ANKS1B: variants seen among roughly 807,000 people sequenced by gnomAD.
The protein encoded by ANKS1B is ankyrin repeat and sterile alpha motif domain-containing protein 1B.
Under a neutral mutation model 148.3 loss-of-function variants are expected in ANKS1B, and 36 were observed. The ratio of observed to expected loss-of-function variants is 0.24; its 90% CI spans 0.19 to 0.32. The LOEUF is 0.32. Ranked by LOEUF, ANKS1B falls within the 10% of genes least tolerant of loss-of-function variation. ANKS1B has a pLI of 1.00. For synonymous variants in ANKS1B, 542 were observed against 560.8 expected, an observed-to-expected ratio of 0.97 and a Z score of 0.47; for missense variants, 1,157 against 1,542.6, an observed-to-expected ratio of 0.75 and a Z score of 4.19.
At position 99,984,914 on chromosome 12, in the gene ANKS1B, C is replaced by G. The variant is rs891905212; in HGVS notation, c.-677G>C. Reference sequence around the variant, plus strand: ...GCGCGGGCAGGTGCGGCCCCTGGTGCGGCCCGAGTTGGGTGGCGGGCTGGC... The same window carrying G: ...GCGCGGGCAGGTGCGGCCCCTGGTGGGGCCCGAGTTGGGTGGCGGGCTGGC... On this transcript the variant is annotated 5_prime_UTR_variant, in exon 1 of 27. Transcript: ENST00000683438. Among the ~76,000 whole-genome samples, 16 of 150,138 alleles carry G rather than the reference C, an allele frequency of 1.1e-4. No individual in the cohort carries two copies. Among genetic ancestry groups the G allele is most frequent in the Non-Finnish European group, 2.2e-4 (15 of 67,416 alleles).
chr12:99,670,994 C>T (rs2098535375), intron 8 of ANKS1B, among the ~76,000 whole-genome samples: 1 of 152,114 alleles, frequency 6.6e-6, no homozygotes, highest in Admixed American at 6.6e-5. Context: ...TCTTATTCTA[C>T]TGAGATCAAA....
chr12:99,844,830 A>G (rs1467465355), intron 1 of ANKS1B, among the ~76,000 whole-genome samples: 1 of 152,036 alleles, frequency 6.6e-6, no homozygotes, highest in Non-Finnish European at 1.5e-5. Flanking sequence ...TTTGGGCAGT[A>G]TGGCCATTTT....
chr12:98,795,336 T>C (rs1214378831), intron 22 of ANKS1B, among the ~76,000 whole-genome samples: 1 of 152,212 alleles, frequency 6.6e-6, no homozygotes, highest in Non-Finnish European at 1.5e-5. Flanking sequence ...TGACATTGTT[T>C]GATGAAGCCT....
intron 9 of ANKS1B, among the ~76,000 whole-genome samples, chr12:99,551,724 T>G (rs192913525): frequency 1.3e-5 from 2 of 152,150 alleles, no homozygotes; most frequent in African/African-American, 2.4e-5. Context: ...GCCAATAATC[T>G]TTTTTGAGAC....
At chr12:99,106,933 G>T (rs1179566716) in intron 15 of ANKS1B, among the ~76,000 whole-genome samples, 1 of 152,004 alleles carries the variant, frequency 6.6e-6, no homozygotes, top group Non-Finnish European at 1.5e-5. Context: ...TAAGTGTCTT[G>T]GTCCTGACTA....
chr12:99,446,553 G>A (rs2152805834), intron 10 of ANKS1B, among the ~76,000 whole-genome samples: 1 of 152,074 alleles, frequency 6.6e-6, no homozygotes, highest in Non-Finnish European at 1.5e-5. Context: ...CTCAGTTACT[G>A]GCAGAAAAGG....
chr12:99,572,128 G>T (rs1413546503), intron 9 of ANKS1B, among the ~76,000 whole-genome samples: 1 of 151,926 alleles, frequency 6.6e-6, no homozygotes. Flanking sequence ...TCACATCTTG[G>T]CTCTCAGTTT....
chr12:99,136,106 T>C (rs1312423347), intron 15 of ANKS1B, among the ~76,000 whole-genome samples: 2 of 152,130 alleles, frequency 1.3e-5, no homozygotes, highest in East Asian at 3.9e-4. Flanking sequence ...GGGTTAAAGA[T>C]TAAACAAGAT....
chr12:98,875,521 C>T lies in ANKS1B; in HGVS notation c.2779-43385G>A, dbSNP rs183151243. On this transcript the variant is annotated intron_variant, in intron 17 of 26. Transcript: ENST00000683438. The stretch of plus-strand genomic sequence containing the variant: ...TCTGTTGTCTGTTTGCCTGTCTACC[C>T]CTCCTTGCTTCCTCCTTCAGGATGC... Among the ~76,000 whole-genome samples the T allele has an allele frequency of 5.5e-3, 833 of 152,290 alleles. 2 individuals are homozygous for T. The highest frequency in any genetic ancestry group is 8.9e-3 in the Non-Finnish European group (605 of 68,020).
chr12:99,711,680 TA>T (rs2056658146), intron 8 of ANKS1B, among the ~76,000 whole-genome samples: 1 of 152,012 alleles, frequency 6.6e-6, no homozygotes, highest in African/African-American at 2.4e-5. Context: ...TGGCTATTAT[TA>T]AAAAGTCAAA....
chr12:98,876,155 G>A (rs1343765975), intron 17 of ANKS1B, among the ~76,000 whole-genome samples: 3 of 152,146 alleles, frequency 2.0e-5, no homozygotes, highest in Admixed American at 6.5e-5. Flanking sequence ...TTGCTAGGAG[G>A]CTGATGTCTA....
intron 9 of ANKS1B, among the ~76,000 whole-genome samples, chr12:99,593,718 C>G (rs2097727415): frequency 6.6e-6 from 1 of 152,050 alleles, no homozygotes; most frequent in African/African-American, 2.4e-5. Flanking sequence ...AAGTAAAATG[C>G]CTATCTTACT....
At chr12:98,852,022 C>CAAAAAAAAAA (rs35129903) in intron 17 of ANKS1B, among the ~76,000 whole-genome samples, 1 of 61,114 alleles carries the variant, frequency 1.6e-5, no homozygotes, top group African/African-American at 7.1e-5. Flanking sequence ...GACTCCATCT[C>CAAAAAAAAAA]AAAAAAAAAA....
chr12:99,671,022 G>A (rs374861594), intron 8 of ANKS1B, among the ~76,000 whole-genome samples: 15 of 152,078 alleles, frequency 9.9e-5, no homozygotes, highest in Admixed American at 2.0e-4. Flanking sequence ...AAGCTTCTAC[G>A]TATTAGATAC....
chr12:99,473,647 G>T (rs993487216), intron 10 of ANKS1B, among the ~76,000 whole-genome samples: 1 of 151,954 alleles, frequency 6.6e-6, no homozygotes, highest in Non-Finnish European at 1.5e-5. Context: ...AATACAACTG[G>T]CACCTCATTG....
intron 15 of ANKS1B, among the ~76,000 whole-genome samples, chr12:99,150,738 C>T (rs775652999): frequency 2.2e-4 from 34 of 151,918 alleles, no homozygotes; most frequent in Non-Finnish European, 1.8e-4. Flanking sequence ...AAAAAAATGT[C>T]GAAACTTAGA....
chr12:98,959,566 C>T (rs2099867833), intron 17 of ANKS1B, among the ~76,000 whole-genome samples: 1 of 152,182 alleles, frequency 6.6e-6, no homozygotes, highest in Non-Finnish European at 1.5e-5. Context: ...TTGTCCTCCC[C>T]ACAGGAACAC....
At chr12:99,830,097 A>G (rs1470481379) in intron 1 of ANKS1B, among the ~76,000 whole-genome samples, 1 of 152,186 alleles carries the variant, frequency 6.6e-6, no homozygotes, top group East Asian at 1.9e-4. Context: ...TTCTACTTCA[A>G]TCTGCAATCT....
At chr12:99,842,846 T>A (rs552385677) in intron 1 of ANKS1B, among the ~76,000 whole-genome samples, 2 of 152,274 alleles carry the variant, frequency 1.3e-5, no homozygotes, top group Admixed American at 1.3e-4. Flanking sequence ...AAAAGTATAT[T>A]CTATTTTTTA....
Sources: gnomAD v4.1 joint callset for allele counts (sites outside exome capture counted in the v4.1 genomes callset) on GRCh38, gnomAD v4.1.1 for gene constraint, MANE v1.5 for transcripts, NCBI Gene and HGNC (gene_info 2026-07-23, HGNC 2026-07-21) for gene names.